RGS7: variants seen among roughly 807,000 people sequenced by gnomAD.
RGS7 encodes the protein regulator of G-protein signaling 7.
RGS7 carries 27 observed loss-of-function variants against 81.1 expected under a neutral mutation model. That is an observed-to-expected ratio of 0.33 (90% CI 0.25 to 0.46). The LOEUF is 0.46. Ranked by LOEUF, RGS7 falls within the 20% of genes least tolerant of loss-of-function variation. The probability of loss-of-function intolerance (pLI) is 1.00; values close to 1 mark genes in which losing one functional copy is unlikely to be tolerated. For missense variants in RGS7, 396 were observed against 607.4 expected (o/e 0.65, Z 3.66); for synonymous variants, 208 against 207.7 (o/e 1.00, Z -0.01).
intron 3 of RGS7, among the ~76,000 whole-genome samples, chr1:241,057,401 A>T (rs76750523): frequency 0.034 from 5,138 of 152,326 alleles, 90 homozygotes; most frequent in Middle Eastern, 0.061. Context: ...GACTTATTAC[A>T]TTCAAAGAAC....
intron 3 of RGS7, among the ~76,000 whole-genome samples, chr1:241,023,825 A>G (rs2059660128): frequency 6.6e-6 from 1 of 152,216 alleles, no homozygotes; most frequent in East Asian, 1.9e-4. Context: ...GGCTCACTGC[A>G]ACCTCAGCCT....
chr1:240,967,017 T>C (rs1442424898), intron 4 of RGS7, among the ~76,000 whole-genome samples: 1 of 152,228 alleles, frequency 6.6e-6, no homozygotes, highest in Non-Finnish European at 1.5e-5. Context: ...ATAAAGCTCA[T>C]ATTCTAGTGA....
At chr1:240,981,229 C>T (rs572378190) in intron 4 of RGS7, among the ~76,000 whole-genome samples, 2 of 152,184 alleles carry the variant, frequency 1.3e-5, no homozygotes, top group South Asian at 4.2e-4. Context: ...TCTGTCTCAG[C>T]CTCCCAAGTA....
intron 2 of RGS7, among the ~76,000 whole-genome samples, chr1:241,126,377 G>A (rs1441879847): frequency 1.3e-5 from 2 of 151,990 alleles, no homozygotes; most frequent in Admixed American, 6.6e-5. Context: ...TCGAACTCCC[G>A]ACCTCAGGTG....
chr1:241,232,956 A>T (rs2075747346), intron 2 of RGS7, among the ~76,000 whole-genome samples: 1 of 152,100 alleles, frequency 6.6e-6, no homozygotes. Context: ...AAATTATTGT[A>T]GTTTTGTAGG....
intron 2 of RGS7, among the ~76,000 whole-genome samples, chr1:241,158,028 G>A (rs1437704167): frequency 2.0e-5 from 3 of 151,472 alleles, no homozygotes; most frequent in Non-Finnish European, 4.4e-5. Context: ...CACCGTGTTA[G>A]CCAGGATGGT....
At chr1:241,050,028 T>C (rs2061163322) in intron 3 of RGS7, among the ~76,000 whole-genome samples, 1 of 152,216 alleles carries the variant, frequency 6.6e-6, no homozygotes, top group Non-Finnish European at 1.5e-5. Flanking sequence ...TAGCTTCCTC[T>C]AGTTATAGCC....
intron 2 of RGS7, among the ~76,000 whole-genome samples, chr1:241,269,657 A>T (rs1341359734): frequency 1.3e-5 from 2 of 152,188 alleles, no homozygotes; most frequent in Non-Finnish European, 2.9e-5. Flanking sequence ...TTGAAAAGGG[A>T]AGAAATCGAA....
intron 18 of RGS7, among the ~76,000 whole-genome samples, chr1:240,778,480 G>A (rs1683371007): frequency 6.6e-6 from 1 of 152,124 alleles, no homozygotes; most frequent in African/African-American, 2.4e-5. Flanking sequence ...TGGGAAAAAG[G>A]GTCCACAACT....
chr1:241,201,645 A>C (rs1166547871), intron 2 of RGS7, among the ~76,000 whole-genome samples: 2 of 152,200 alleles, frequency 1.3e-5, no homozygotes, highest in Non-Finnish European at 2.9e-5. Context: ...ATAAGAACTT[A>C]AAAATAAAAC....
At chr1:241,298,647 G>A (rs1231640265) in intron 2 of RGS7, among the ~76,000 whole-genome samples, 1 of 152,166 alleles carries the variant, frequency 6.6e-6, no homozygotes, top group Non-Finnish European at 1.5e-5. Context: ...TACAACTTTA[G>A]AGAAAATTCT....
chr1:241,246,367 C>A (rs1012153954), intron 2 of RGS7, among the ~76,000 whole-genome samples: 31 of 152,044 alleles, frequency 2.0e-4, no homozygotes, highest in Non-Finnish European at 1.5e-5. Flanking sequence ...GGTAGTGAAC[C>A]GTGATAGAGC....
intron 2 of RGS7, among the ~76,000 whole-genome samples, chr1:241,223,112 G>A (rs2075112216): frequency 6.6e-6 from 1 of 152,156 alleles, no homozygotes; most frequent in African/African-American, 2.4e-5. Flanking sequence ...TTTAGCAGGA[G>A]AACCTGCTAT....
At chr1:241,251,647 T>A (rs1465859948) in intron 2 of RGS7, among the ~76,000 whole-genome samples, 4 of 151,816 alleles carry the variant, frequency 2.6e-5, no homozygotes, top group Non-Finnish European at 5.9e-5. Context: ...GCAGCTGGGA[T>A]TACAAGCGCT....
intron 2 of RGS7, among the ~76,000 whole-genome samples, chr1:241,265,295 C>T (rs7532696): frequency 0.29 from 43,677 of 152,122 alleles, 6,501 homozygotes; most frequent in African/African-American, 0.35. Context: ...CTCCCTCCTT[C>T]AACCAATGGG....
intron 2 of RGS7, among the ~76,000 whole-genome samples, chr1:241,226,436 T>C (rs1172817513): frequency 6.6e-6 from 1 of 152,180 alleles, no homozygotes; most frequent in Non-Finnish European, 1.5e-5. Flanking sequence ...GTGATATCTC[T>C]ATCTCAGTCT....
At chr1:241,252,572 T>C (rs2076885630) in intron 2 of RGS7, among the ~76,000 whole-genome samples, 1 of 152,144 alleles carries the variant, frequency 6.6e-6, no homozygotes, top group Non-Finnish European at 1.5e-5. Context: ...CCAAGTAACC[T>C]GTAGAGAAAT....
intron 6 of RGS7, among the ~76,000 whole-genome samples, chr1:240,876,295 C>A (rs1187866740): frequency 6.6e-6 from 1 of 152,126 alleles, no homozygotes; most frequent in Admixed American, 6.6e-5. Context: ...GCGCGGTCAC[C>A]CCTGGCTCCA....
chr1:240,936,030 T>C (rs1013636036), intron 5 of RGS7, among the ~76,000 whole-genome samples: 17 of 152,192 alleles, frequency 1.1e-4, no homozygotes, highest in African/African-American at 4.1e-4. Flanking sequence ...CCACAATCAT[T>C]GCCAGAAAGA....
Sources: allele counts gnomAD v4.1 joint callset (sites outside exome capture counted in the v4.1 genomes callset), GRCh38; gene constraint gnomAD v4.1.1; transcripts MANE v1.5; gene names NCBI Gene and HGNC (gene_info 2026-07-23, HGNC 2026-07-21).